Variants in CCSER2 observed in about 807,000 individuals in gnomAD.
The protein encoded by CCSER2 is coiled-coil serine rich protein 2.
In CCSER2, 46 loss-of-function variants were observed where a neutral mutation model predicts 92.3. That is an observed-to-expected ratio of 0.50 (90% CI 0.39 to 0.64). The LOEUF (loss-of-function observed/expected upper bound fraction) is 0.64, where lower values mean the gene tolerates loss of function less well. CCSER2 is among the 30% of genes least tolerant of loss of function. The probability of loss-of-function intolerance (pLI) is 0.00; values close to 1 mark genes in which losing one functional copy is unlikely to be tolerated. For missense variants in CCSER2, 1,244 were observed against 1,238.9 expected, an observed-to-expected ratio of 1.00 and a Z score of -0.06; for synonymous variants, 433 against 431.4, an observed-to-expected ratio of 1.00 and a Z score of -0.04.
chr10:84,369,452 A>G (rs1157402562), intron 1 of CCSER2, among the ~76,000 whole-genome samples: 1 of 151,608 alleles, frequency 6.6e-6, no homozygotes, highest in Non-Finnish European at 1.5e-5. Flanking sequence ...TTTCTTGGTC[A>G]TTGTATACCT....
intron 1 of CCSER2, among the ~76,000 whole-genome samples, chr10:84,369,843 G>A (rs2133160119): frequency 6.6e-6 from 1 of 152,142 alleles, no homozygotes; most frequent in South Asian, 2.1e-4. Flanking sequence ...AAGAGATAGG[G>A]ATCCAATTTC....
chr10:84,387,997 G>T (rs1841317363), intron 3 of CCSER2, among the ~76,000 whole-genome samples: 1 of 152,014 alleles, frequency 6.6e-6, no homozygotes, highest in African/African-American at 2.4e-5. Flanking sequence ...CTGAGTAGCT[G>T]GGATTACAGG....
intron 3 of CCSER2, among the ~76,000 whole-genome samples, chr10:84,400,850 G>A (rs930361916): frequency 6.6e-6 from 1 of 152,104 alleles, no homozygotes; most frequent in Non-Finnish European, 1.5e-5. Context: ...GGAGGTGGCA[G>A]TTGCAATGAG....
chr10:84,354,284 AAT>A (rs1845035615), intron 1 of CCSER2, among the ~76,000 whole-genome samples: 1 of 151,138 alleles, frequency 6.6e-6, no homozygotes, highest in African/African-American at 2.4e-5. Context: ...TGTTTGAAAG[AAT>A]AGAGTATGTT....
At chr10:84,339,441 C>T (rs1048153629) in intron 1 of CCSER2, among the ~76,000 whole-genome samples, 1 of 151,452 alleles carries the variant, frequency 6.6e-6, no homozygotes, top group Admixed American at 6.6e-5. Flanking sequence ...CATCTCTCTG[C>T]TTTTGCACAT....
At chr10:84,424,203 A>C (rs756559149) in intron 4 of CCSER2, among the ~76,000 whole-genome samples, 13 of 151,700 alleles carry the variant, frequency 8.6e-5, no homozygotes, top group Non-Finnish European at 1.6e-4. Flanking sequence ...TTCTTTTGCT[A>C]TCTTATTTTC....
intron 8 of CCSER2, among the ~76,000 whole-genome samples, chr10:84,471,948 A>G (rs1050064998): frequency 2.0e-5 from 3 of 152,132 alleles, no homozygotes; most frequent in African/African-American, 7.2e-5. Context: ...CTACAAATGA[A>G]TATTCAACAT....
intron 3 of CCSER2, among the ~76,000 whole-genome samples, chr10:84,387,607 T>C (rs1303744902): frequency 6.6e-6 from 1 of 151,948 alleles, no homozygotes; most frequent in African/African-American, 2.4e-5. Context: ...CAGCTCACTG[T>C]AAGCTCCGCC....
chr10:84,343,719 G>A (rs1406608588), intron 1 of CCSER2, among the ~76,000 whole-genome samples: 2 of 152,198 alleles, frequency 1.3e-5, no homozygotes, highest in Non-Finnish European at 2.9e-5. Context: ...GGCAAGAAAA[G>A]TTGTATGGAA....
chr10:84,492,423 AAC>A (rs1193942558), intron 9 of CCSER2, among the ~76,000 whole-genome samples: 1 of 152,166 alleles, frequency 6.6e-6, no homozygotes, highest in East Asian at 1.9e-4. Flanking sequence ...TGTAAATAGT[AAC>A]AGTGTTCTCA....
intron 9 of CCSER2, among the ~76,000 whole-genome samples, chr10:84,482,024 AT>A (rs1434937430): frequency 6.6e-6 from 1 of 152,196 alleles, no homozygotes; most frequent in Non-Finnish European, 1.5e-5. Context: ...AATTGACATC[AT>A]TTTGGACAAA....
At chr10:84,424,281 TAAA>T (rs1244434863) in intron 4 of CCSER2, among the ~76,000 whole-genome samples, 3 of 141,442 alleles carry the variant, frequency 2.1e-5, no homozygotes, top group Non-Finnish European at 4.6e-5. Context: ...TAACTGAACT[TAAA>T]AAAAAAAAAA....
rs548278293 is a variant in CCSER2 at position 84,517,612 on chromosome 10, T to C, written c.*3345T>C. ...GGGTGTGGCTTTGTTGAAATAAATT[T>C]GTAATTGTTGCTGTTTGAAGATATC... On this transcript the variant is annotated 3_prime_UTR_variant, in exon 10 of 10. Coordinates refer to ENST00000372088, the MANE Select transcript of CCSER2 (RefSeq NM_001284240.2). 2.7e-4 allele frequency: 41 copies of C among 152,804 alleles called. No homozygotes were observed. The highest frequency in any genetic ancestry group is 5.4e-4 in the Non-Finnish European group (37 of 68,042). The allele number at this position is 152,804 out of a possible 1,614,324, so 9.5% of individuals were successfully genotyped here.
At position 84,513,926 on chromosome 10, in the gene CCSER2, C is replaced by G. The variant is rs112916827; in HGVS notation, c.2803C>G (p.Pro935Ala). 1.9e-5 allele frequency: 29 copies of G among 1,536,578 alleles called. 1 individual carries two copies. The African/African-American group carries it at 1.9e-4, about 10-fold the overall frequency. Reference protein sequence around the residue: ...PSILSSLVPPPVSESSPSRTP... With the variant: ...PSILSSLVPPAVSESSPSRTP... ...CATATTGAGTTCTTTGGTACCGCCT[C>G]CAGTTTCTGAATCATCTCCAAGTAG... is the stretch of plus-strand genomic sequence containing the variant. Residue 935 changes from proline (P) to alanine (A), a missense_variant, in exon 10 of 10, where the codon CCA (proline) becomes GCA (alanine). Physicochemically the swap from Pro to Ala is conservative, Grantham distance 27 (BLOSUM62 -1). Transcript: ENST00000372088.
chr10:84,329,185 TTTTC>T (rs938223574), intron 1 of CCSER2, among the ~76,000 whole-genome samples: 1 of 152,144 alleles, frequency 6.6e-6, no homozygotes, highest in Non-Finnish European at 1.5e-5. Context: ...TCGATTTTTT[TTTTC>T]TTTCAATTAC....
intron 5 of CCSER2, among the ~76,000 whole-genome samples, chr10:84,433,350 A>G (rs1843897506): frequency 6.6e-6 from 1 of 152,202 alleles, no homozygotes; most frequent in Non-Finnish European, 1.5e-5. Flanking sequence ...AATGGTGATG[A>G]AACACTAATG....
intron 6 of CCSER2, among the ~76,000 whole-genome samples, chr10:84,460,250 C>T (rs1328313657): frequency 5.8e-5 from 7 of 120,498 alleles, no homozygotes; most frequent in East Asian, 2.5e-4. Flanking sequence ...CCACCATGCC[C>T]GGCTGATTTT....
chr10:84,479,404 A>G lies in CCSER2; in HGVS notation c.2325+1740A>G, dbSNP rs186633628. On this transcript the variant is annotated intron_variant, in intron 9 of 9. Transcript: ENST00000372088. ...TTTGAAGGAGAGTGGTTTGCTGCCAACAGCAGCAGAGCAAAAATTTGAATG... is the reference window on the plus strand; with the variant it reads ...TTTGAAGGAGAGTGGTTTGCTGCCAGCAGCAGCAGAGCAAAAATTTGAATG... Among the ~76,000 whole-genome samples, 3 of 152,328 alleles carry G rather than the reference A, an allele frequency of 2.0e-5. No homozygotes were observed. In the East Asian group the frequency reaches 5.8e-4, roughly 29 times the overall value.
chr10:84,463,104 A>T (rs754467047), intron 6 of CCSER2, among the ~76,000 whole-genome samples: 1 of 152,202 alleles, frequency 6.6e-6, no homozygotes, highest in Non-Finnish European at 1.5e-5. Context: ...ACCATTGAGC[A>T]TGTGGTTTCT....
Sources: gnomAD v4.1 joint callset for allele counts (sites outside exome capture counted in the v4.1 genomes callset) on GRCh38, gnomAD v4.1.1 for gene constraint, MANE v1.5 for transcripts, NCBI Gene and HGNC (gene_info 2026-07-23, HGNC 2026-07-21) for gene names.